RAB11FIP4: variants seen among roughly 807,000 people sequenced by gnomAD.
RAB11FIP4 encodes the protein RAB11 family interacting protein 4, also known as rab11 family-interacting protein 4.
In RAB11FIP4, 23 loss-of-function variants were observed where a neutral mutation model predicts 74.3. The ratio of observed to expected loss-of-function variants is 0.31; its 90% CI spans 0.22 to 0.44. The LOEUF (loss-of-function observed/expected upper bound fraction) is 0.44, where lower values mean the gene tolerates loss of function less well. RAB11FIP4 is among the 20% of genes least tolerant of loss of function. The pLI is 1.00. For synonymous variants in RAB11FIP4, 360 were observed against 359.9 expected (o/e 1.00, Z 0.00); for missense variants, 630 against 863.9 (o/e 0.73, Z 3.39).
At chr17:31,493,334 T>G (rs1231245782) in intron 3 of RAB11FIP4, among the ~76,000 whole-genome samples, 2 of 152,162 alleles carry the variant, frequency 1.3e-5, no homozygotes, top group Admixed American at 1.3e-4. Context: ...GAGGAAGGCC[T>G]AAACAGAACT....
chr17:31,401,164 C>G (rs1455441306), intron 1 of RAB11FIP4, among the ~76,000 whole-genome samples: 1 of 151,938 alleles, frequency 6.6e-6, no homozygotes, highest in Non-Finnish European at 1.5e-5. Flanking sequence ...CCCAGTTACT[C>G]GGGAGGCTGA....
intron 1 of RAB11FIP4, among the ~76,000 whole-genome samples, chr17:31,419,553 CTTTTT>C (rs559266824): frequency 7.2e-6 from 1 of 138,276 alleles, no homozygotes. Context: ...TTTCTTTTTT[CTTTTT>C]TTTTTTTTTT....
chr17:31,505,564 A>T lies in RAB11FIP4; in HGVS notation c.337-12087A>T, dbSNP rs1018902. On this transcript the variant is annotated intron_variant, in intron 3 of 14. Transcript: ENST00000621161. The stretch of plus-strand genomic sequence containing the variant: ...ATATATTATATATAATAATAATTAT[A>T]ATATATAATAATATATAATAATAAT... 3.8e-3 allele frequency among the ~76,000 whole-genome samples: 327 copies of T among 86,184 alleles called. 9 individuals carry two copies. Among genetic ancestry groups the T allele is most frequent in the African/African-American group, 0.014 (282 of 20,644 alleles). 56.5% of individuals were successfully genotyped at this position (86,184 alleles called of 152,430 possible).
At chr17:31,497,228 G>T (rs2072133767) in intron 3 of RAB11FIP4, among the ~76,000 whole-genome samples, 1 of 152,252 alleles carries the variant, frequency 6.6e-6, no homozygotes, top group South Asian at 2.1e-4. Flanking sequence ...GCCCGGCGTG[G>T]TGGCAGGCGC....
intron 3 of RAB11FIP4, among the ~76,000 whole-genome samples, chr17:31,501,365 C>T (rs1220490774): frequency 1.3e-5 from 2 of 152,084 alleles, no homozygotes; most frequent in Non-Finnish European, 2.9e-5. Flanking sequence ...ATACATCTCA[C>T]CTACCAAACA....
rs1169795426 is a variant in RAB11FIP4, at chr17:31,396,197, AGAAAAG to A, written c.159+4187_159+4192del. Among the ~76,000 whole-genome samples, 580 of 104,756 alleles carry A rather than the reference AGAAAAG, an allele frequency of 5.5e-3. 3 individuals are homozygous for A. The highest frequency in any genetic ancestry group is 0.015 in the African/African-American group (546 of 36,640). The allele number at this position is 104,756 out of a possible 152,430, so 68.7% of individuals were successfully genotyped here. A position where few individuals can be genotyped will look rare whatever the true frequency, so the allele number is the denominator to read the frequency against. ...AGACCCTGCCACAAAAAAAAAAAAA[AGAAAAG>A]AAAAGAAAAGAAAAGAAAGAAATGC... On this transcript the variant is annotated intron_variant, in intron 1 of 14. Coordinates refer to ENST00000621161, the MANE Select transcript of RAB11FIP4 (RefSeq NM_032932.6).
chr17:31,431,417 A>C (rs1014448327), intron 1 of RAB11FIP4: 2 of 185,512 alleles, frequency 1.1e-5, no homozygotes, highest in African/African-American at 4.8e-5. Flanking sequence ...CACCTGGAAC[A>C]AGAAATAGAA....
At chr17:31,452,843 T>C (rs2071538759) in intron 3 of RAB11FIP4, among the ~76,000 whole-genome samples, 1 of 152,228 alleles carries the variant, frequency 6.6e-6, no homozygotes, top group South Asian at 2.1e-4. Flanking sequence ...GCTTCTGGCA[T>C]TGCTGTTTCC....
At chr17:31,519,190 A>C (rs1487436044) in intron 4 of RAB11FIP4, among the ~76,000 whole-genome samples, 1 of 151,286 alleles carries the variant, frequency 6.6e-6, no homozygotes, top group Non-Finnish European at 1.5e-5. Context: ...AATTTTTTGT[A>C]TTTTTAGTAG....
chr17:31,457,478 T>A (rs1238578505), intron 3 of RAB11FIP4, among the ~76,000 whole-genome samples: 5 of 152,150 alleles, frequency 3.3e-5, no homozygotes, highest in African/African-American at 1.2e-4. Context: ...GGAAGCACTA[T>A]CCATTCCCTC....
Position 31,523,303 on chromosome 17 carries a change from C to T in RAB11FIP4, c.930-209C>T. On this transcript the variant is annotated intron_variant, in intron 7 of 14. Transcript: ENST00000621161. Reference sequence around the variant, plus strand: ...GTCATTGGCTGTGTCTGCCAGGGGACCCCGGGGGTCTGTACAGCCCATTTG... The same window carrying T: ...GTCATTGGCTGTGTCTGCCAGGGGATCCCGGGGGTCTGTACAGCCCATTTG... 9 of 591,944 alleles carry T rather than the reference C, an allele frequency of 1.5e-5. No individual in the cohort carries two copies. In the South Asian group the frequency reaches 1.8e-4, roughly 12 times the overall value. 36.7% of individuals were successfully genotyped at this position (591,944 alleles called of 1,614,324 possible). A position where few individuals can be genotyped will look rare whatever the true frequency, so the allele number is the denominator to read the frequency against.
intron 3 of RAB11FIP4, among the ~76,000 whole-genome samples, chr17:31,484,707 A>G (rs903098368): frequency 6.6e-6 from 1 of 151,804 alleles, no homozygotes; most frequent in Non-Finnish European, 1.5e-5. Flanking sequence ...AGGGTCCTAA[A>G]TTTTCCCTCA....
intron 3 of RAB11FIP4, among the ~76,000 whole-genome samples, chr17:31,490,398 T>C (rs1162270435): frequency 6.6e-6 from 1 of 152,126 alleles, no homozygotes; most frequent in Non-Finnish European, 1.5e-5. Flanking sequence ...TTTCACTTTA[T>C]ATGTTTTAGG....
chr17:31,458,261 C>A (rs544658256), intron 3 of RAB11FIP4, among the ~76,000 whole-genome samples: 2 of 152,312 alleles, frequency 1.3e-5, no homozygotes, highest in African/African-American at 4.8e-5. Context: ...TCCACCCCAT[C>A]CCTGGAGGCA....
At chr17:31,410,647 C>G (rs1251312979) in intron 1 of RAB11FIP4, among the ~76,000 whole-genome samples, 2 of 152,158 alleles carry the variant, frequency 1.3e-5, no homozygotes, top group Non-Finnish European at 2.9e-5. Context: ...GTGTCACACC[C>G]TTGGAGGGGC....
At chr17:31,519,503 C>T (rs994669643) in intron 4 of RAB11FIP4, among the ~76,000 whole-genome samples, 1 of 152,084 alleles carries the variant, frequency 6.6e-6, no homozygotes, top group Non-Finnish European at 1.5e-5. Context: ...CCAAGTCTCT[C>T]GAGGGATACA....
rs116923603 is a variant in RAB11FIP4, at chr17:31,507,733, T to C, written c.337-9918T>C. ...GCCTTGAACTCCTAGGTTCAAGCAGTCCTCCTGCCTCAGCCTCCCAAATAG... is the reference window on the plus strand; with the variant it reads ...GCCTTGAACTCCTAGGTTCAAGCAGCCCTCCTGCCTCAGCCTCCCAAATAG... On this transcript the variant is annotated intron_variant, in intron 3 of 14. Transcript: ENST00000621161. 9.8e-3 allele frequency among the ~76,000 whole-genome samples: 1,498 copies of C among 152,320 alleles called. 19 individuals carry two copies. The highest frequency in any genetic ancestry group is 0.013 in the Non-Finnish European group (875 of 68,034).
chr17:31,522,289 TAC>T, intron 6 of RAB11FIP4, 69 bp from the exon 7 acceptor site: 3 of 1,516,970 alleles, frequency 2.0e-6, no homozygotes, highest in Non-Finnish European at 2.7e-6. Flanking sequence ...TGTGGTGTCT[TAC>T]AGCTAGGACA....
intron 3 of RAB11FIP4, among the ~76,000 whole-genome samples, chr17:31,447,364 C>G (rs2071477394): frequency 6.6e-6 from 1 of 152,168 alleles, no homozygotes; most frequent in Non-Finnish European, 1.5e-5. Context: ...ACTTGGGAGG[C>G]TGAGGCAGGA....
Sources: gnomAD v4.1 joint callset for allele counts (sites outside exome capture counted in the v4.1 genomes callset) on GRCh38, gnomAD v4.1.1 for gene constraint, MANE v1.5 for transcripts, NCBI Gene and HGNC (gene_info 2026-07-23, HGNC 2026-07-21) for gene names.